NCKAP5L: variants seen among roughly 807,000 people sequenced by gnomAD.
NCKAP5L encodes NCK associated protein 5 like.
Under a neutral mutation model 103.2 loss-of-function variants are expected in NCKAP5L, and 54 were observed. That is an observed-to-expected ratio of 0.52 (90% CI 0.42 to 0.66). The LOEUF is 0.66. Ranked by LOEUF, NCKAP5L falls within the 30% of genes least tolerant of loss-of-function variation. The pLI is 0.00. For synonymous variants in NCKAP5L, 762 were observed against 748.6 expected, an observed-to-expected ratio of 1.02 and a Z score of -0.29; for missense variants, 1,733 against 1,750.6, an observed-to-expected ratio of 0.99 and a Z score of 0.18.
intron 2 of NCKAP5L, chr12:49,805,733 G>A (rs1946171908): frequency 6.6e-6 from 1 of 152,264 alleles, no homozygotes; most frequent in South Asian, 2.1e-4. Flanking sequence ...AGAAGTGGGA[G>A]GATCCCTTGA....
intron 1 of NCKAP5L, among the ~76,000 whole-genome samples, chr12:49,812,190 C>T (rs1316710342): frequency 1.3e-5 from 2 of 152,078 alleles, no homozygotes; most frequent in African/African-American, 2.4e-5. Flanking sequence ...TAACACTGCC[C>T]CCTCCCCACC....
At chr12:49,800,903 T>C (rs540301419) in intron 6 of NCKAP5L, among the ~76,000 whole-genome samples, 13 of 152,322 alleles carry the variant, frequency 8.5e-5, no homozygotes, top group African/African-American at 2.9e-4. Flanking sequence ...TGAGCTGCTG[T>C]GGTTGGGCCT....
chr12:49,795,445 GC>G lies in NCKAP5L; in HGVS notation c.2414del (p.Gly805AlafsTer30). On this transcript the variant is annotated frameshift_variant, in exon 8 of 13. Coordinates refer to ENST00000335999, the MANE Select transcript of NCKAP5L (RefSeq NM_001037806.4). LOFTEE classifies it high-confidence loss of function. ...TGCTGTGAGGGCTCTTATTGGGCTT[GC>G]CCAGGCTTGGGGCTGAGGTTGGCAC... ...AKVPTSAPSLGKPNKSPHSSP... is the reference protein window; with the variant it reads ...AKVPTSAPSLXKPNKSPHSSP... 1.3e-6 allele frequency: 2 copies of G among 1,574,642 alleles called. No individual in the cohort carries two copies. Among genetic ancestry groups the G allele is most frequent in the Admixed American group, 1.9e-5 (1 of 51,970 alleles).
rs376345042 is a variant in NCKAP5L, at chr12:49,793,841, C to T, written c.3151G>A (p.Gly1051Arg). ...TCAGAAGACACCGGCTGGAAATCCC[C>T]GTACTCAGGCTTGGGCTCCCGCCAG... ...KSWREPKPEY[G>R]DFQPVSSDPK... Residue 1051 changes from glycine (G) to arginine (R), a missense_variant, in exon 9 of 13, where the codon GGG becomes AGG. Physicochemically the swap from Gly to Arg is moderately radical, Grantham distance 125 (BLOSUM62 -2). Transcript: ENST00000335999. 2.3e-5 allele frequency: 37 copies of T among 1,583,352 alleles called. No homozygotes were observed. The highest frequency in any genetic ancestry group is 1.7e-4 in the Middle Eastern group (1 of 6,032).
Position 49,796,495 on chromosome 12 carries a change from A to T in NCKAP5L, c.1365T>A (p.Gly455=), listed in dbSNP as rs1328372785. ...TTGGAGGCAGCTTTAGAAACTTGAG[A>T]CCCCTAGCTGGAGAGGGCAGAAGGG... ...QGPLLPSPAR[G]LKFLKLPPTS... is the part of the protein sequence containing the mutation. Residue 455 remains glycine, a synonymous_variant, in exon 8 of 13, where the codon GGT becomes GGA. Transcript: ENST00000335999. 4 of 1,534,544 alleles carry T rather than the reference A, an allele frequency of 2.6e-6. No individual in the cohort carries two copies. The African/African-American group carries it at 5.6e-5, about 21-fold the overall frequency.
rs779142470 is a variant in NCKAP5L at position 49,796,895 on chromosome 12, G to A, written c.965C>T (p.Ala322Val). ...CTGGCCCAGGTTCAACTGTCTGCGG[G>A]CCAGGGCACCGAGCAGGGTGTCGGG... ...PSPDTLLGAL[A>V]RRQLNLGQLL... is the part of the protein sequence containing the mutation. Residue 322 changes from alanine (A) to valine (V), a missense_variant, in exon 8 of 13, where the codon GCC (alanine) becomes GTC (valine). Transcript: ENST00000335999. The A allele has an allele frequency of 1.2e-6, 2 of 1,611,382 alleles. No homozygotes were observed. The highest frequency in any genetic ancestry group is 1.7e-4 in the Middle Eastern group (1 of 6,056).
chr12:49,819,313 A>C (rs1946336165), intron 1 of NCKAP5L, among the ~76,000 whole-genome samples: 1 of 58,716 alleles, frequency 1.7e-5, no homozygotes, highest in East Asian at 3.5e-4. Context: ...CTCCGCTTCA[A>C]AAAAAAAAAA....
intron 1 of NCKAP5L, among the ~76,000 whole-genome samples, chr12:49,826,544 C>T (rs1358460808): frequency 1.3e-5 from 2 of 152,202 alleles, no homozygotes; most frequent in East Asian, 3.8e-4. Flanking sequence ...TTAGCTCCCT[C>T]TAAATGGAAC....
In NCKAP5L at chr12:49,802,973, C is replaced by A; in HGVS notation, c.216G>T (p.Ala72=). The part of the protein sequence containing the change: ...LDEVANHVVQ[A]LLNQKDLREE... ...GGTTACTCACCTTCTGGTTCAGCAA[C>A]GCCTGTACCACATGGTTGGCAACCT... The change falls in exon 5 of 13, where the codon GCG becomes GCT. Residue 72 remains alanine (A), a synonymous_variant. Transcript: ENST00000335999. 1 of 1,614,196 alleles carries A rather than the reference C, an allele frequency of 6.2e-7. No homozygotes were observed. The highest frequency in any genetic ancestry group is 2.2e-5 in the East Asian group (1 of 44,880).
intron 1 of NCKAP5L, among the ~76,000 whole-genome samples, chr12:49,806,660 A>C (rs1946184220): frequency 6.6e-6 from 1 of 152,224 alleles, no homozygotes; most frequent in African/African-American, 2.4e-5. Context: ...AAAGCACACC[A>C]GACAGGCCTA....
Position 49,795,699 on chromosome 12 carries a change from C to A in NCKAP5L, c.2161G>T (p.Ala721Ser). The A allele has an allele frequency of 6.2e-7, 1 of 1,611,516 alleles. No individual in the cohort carries two copies. The highest frequency in any genetic ancestry group is 8.5e-7 in the Non-Finnish European group (1 of 1,178,890). ...SIHRPLEQLEAKGGIRGAVAL... is the reference protein window; with the variant it reads ...SIHRPLEQLESKGGIRGAVAL... ...ACTGCCCCCCGTATCCCCCCCTTGGCTTCTAGCTGCTCCAGTGGCCTGTGG... is the reference window on the plus strand; with the variant it reads ...ACTGCCCCCCGTATCCCCCCCTTGGATTCTAGCTGCTCCAGTGGCCTGTGG... The change falls in exon 8 of 13, where the codon GCC becomes TCC. Residue 721 changes from alanine (A) to serine (S), a missense_variant. Transcript: ENST00000335999.
Position 49,802,755 on chromosome 12 carries a change from C to T in NCKAP5L, c.231+203G>A, listed in dbSNP as rs1946134029. ...GGACAGGGTAAGGGAAGAAGTCATG[C>T]TCAAATCAGTGACCACTGCTCAGAG... On this transcript the variant is annotated intron_variant, in intron 5 of 12. Coordinates refer to ENST00000335999, the MANE Select transcript of NCKAP5L (RefSeq NM_001037806.4). 30 of 609,530 alleles carry T rather than the reference C, an allele frequency of 4.9e-5. No homozygotes were observed. The South Asian group carries it at 6.0e-4, about 12-fold the overall frequency. The allele number at this position is 609,530 out of a possible 1,614,324, so 37.8% of individuals were successfully genotyped here.
At chr12:49,801,658 T>G (rs949462150) in intron 6 of NCKAP5L, among the ~76,000 whole-genome samples, 190 bp downstream of exon 6, 1 of 152,124 alleles carries the variant, frequency 6.6e-6, no homozygotes, top group Non-Finnish European at 1.5e-5. Flanking sequence ...ACCCTCCCGC[T>G]GGTGGGGAGC....
intron 1 of NCKAP5L, among the ~76,000 whole-genome samples, chr12:49,827,007 C>T (rs1946424043): frequency 6.6e-6 from 1 of 152,110 alleles, no homozygotes; most frequent in Admixed American, 6.6e-5. Flanking sequence ...GATAGGAAAC[C>T]CACTAATCCC....
intron 1 of NCKAP5L, among the ~76,000 whole-genome samples, chr12:49,822,534 G>C (rs372735925): frequency 6.6e-6 from 1 of 151,946 alleles, no homozygotes; most frequent in East Asian, 1.9e-4. Flanking sequence ...GAACGCGATG[G>C]AGGTGGGAGT....
rs1439820596 is a variant in NCKAP5L at position 49,796,978 on chromosome 12, T to C, written c.882A>G (p.Pro294=). The change falls in exon 8 of 13, where the codon CCA becomes CCG. Residue 294 remains proline (P), a synonymous_variant. Transcript: ENST00000335999. ...CAGAAGAGGAGGAGGAGCTGCTGCC[T>C]GGGGCACAGTTTGGGCCAGAGCTGG... The part of the protein sequence containing the change: ...QGTSSGPNCA[P]GSSSSSSSDE... The C allele has an allele frequency of 7.5e-6, 12 of 1,598,676 alleles. No individual in the cohort carries two copies. In the South Asian group the frequency reaches 1.2e-4, roughly 17 times the overall value.
rs1424378160 is a variant in NCKAP5L at position 49,801,933 on chromosome 12, C to T, written c.266G>A (p.Arg89Lys). 6.2e-7 allele frequency: 1 copy of T among 1,613,978 alleles called. No individual in the cohort carries two copies. The highest frequency in any genetic ancestry group is 1.1e-5 in the South Asian group (1 of 91,084). ...LREECIKLKK[R>K]VFDLERQNQM... ...GTTCTGCCGTTCCAGGTCAAACACT[C>T]TCTTCTTCAGCTTGATGCACTCCTC... Residue 89 changes from arginine (R) to lysine (K), a missense_variant, in exon 6 of 13, where the codon AGA (arginine) becomes AAA (lysine). By Grantham distance (26) the Arg-to-Lys change is conservative (BLOSUM62 2). Coordinates refer to ENST00000335999, the MANE Select transcript of NCKAP5L (RefSeq NM_001037806.4).
At chr12:49,815,601 T>C (rs527309527) in intron 1 of NCKAP5L, among the ~76,000 whole-genome samples, 1 of 152,328 alleles carries the variant, frequency 6.6e-6, no homozygotes, top group Admixed American at 6.5e-5. Flanking sequence ...GCGATTCTCA[T>C]GCCTCAGCCT....
chr12:49,803,175 T>G lies in NCKAP5L; in HGVS notation c.124-10A>C, dbSNP rs1565591024. ...GTGCCGAGTTCTCTGCCTGCAGGAGTGAGGGAGGAAGAGGGCAAAAAGGTG... is the reference window on the plus strand; with the variant it reads ...GTGCCGAGTTCTCTGCCTGCAGGAGGGAGGGAGGAAGAGGGCAAAAAGGTG... On this transcript the variant is annotated splice_polypyrimidine_tract_variant and intron_variant, in intron 3 of 12. Transcript: ENST00000335999. The G allele has an allele frequency of 1.2e-6, 2 of 1,613,694 alleles. No individual in the cohort carries two copies. The highest frequency in any genetic ancestry group is 3.3e-5 in the Admixed American group (2 of 59,988).
Sources: gnomAD v4.1 joint callset for allele counts (sites outside exome capture counted in the v4.1 genomes callset) on GRCh38, gnomAD v4.1.1 for gene constraint, MANE v1.5 for transcripts, NCBI Gene and HGNC (gene_info 2026-07-23, HGNC 2026-07-21) for gene names.